Variants in AMOTL1 observed in about 807,000 individuals in gnomAD.
AMOTL1 encodes the protein angiomotin like 1.
In AMOTL1, 45 loss-of-function variants were observed where a neutral mutation model predicts 102.9. The observed-to-expected ratio is 0.44, with a 90% CI of 0.34 to 0.56. The LOEUF (loss-of-function observed/expected upper bound fraction) is 0.56. Among genes scored for constraint, AMOTL1 ranks in the 20% least tolerant of loss-of-function variants. The pLI is 0.01. For missense variants in AMOTL1, 1,114 were observed against 1,225.6 expected (o/e 0.91, Z 1.36); for synonymous variants, 481 against 484.7 (o/e 0.99, Z 0.10).
At chr11:94,756,203 G>C (rs921012629) in intron 3 of AMOTL1, among the ~76,000 whole-genome samples, 16 of 149,334 alleles carry the variant, frequency 1.1e-4, no homozygotes, top group Admixed American at 5.4e-4. Context: ...TGCCCGCTAG[G>C]GTCTCGGGTT....
At chr11:94,833,287 T>A (rs1952110634) in intron 6 of AMOTL1, among the ~76,000 whole-genome samples, 1 of 152,240 alleles carries the variant, frequency 6.6e-6, no homozygotes, top group East Asian at 1.9e-4. Flanking sequence ...CAGGACACTT[T>A]GTGCCTTCAC....
intron 9 of AMOTL1, among the ~76,000 whole-genome samples, chr11:94,863,241 T>C (rs936416898): frequency 8.6e-5 from 13 of 151,344 alleles, no homozygotes; most frequent in Admixed American, 7.9e-4. Flanking sequence ...ATAGCTGTCA[T>C]TAAAGGGGCC....
At chr11:94,760,707 GCA>G (rs1313369601) in intron 3 of AMOTL1, among the ~76,000 whole-genome samples, 1 of 151,800 alleles carries the variant, frequency 6.6e-6, no homozygotes, top group African/African-American at 2.4e-5. Context: ...TTTTTTCATT[GCA>G]CATAGGCTAG....
chr11:94,776,061 A>G (rs1291634630), intron 1 of AMOTL1, among the ~76,000 whole-genome samples: 1 of 152,242 alleles, frequency 6.6e-6, no homozygotes. Flanking sequence ...TAGCACGGAA[A>G]GGTCCTCCTG....
chr11:94,838,245 A>G (rs1033226707), intron 6 of AMOTL1, among the ~76,000 whole-genome samples: 1 of 152,234 alleles, frequency 6.6e-6, no homozygotes, highest in Admixed American at 6.5e-5. Context: ...GTCCCAACTC[A>G]TTGTATGTTC....
chr11:94,709,974 C>T (rs916049170), intron 1 of AMOTL1, among the ~76,000 whole-genome samples: 1 of 152,064 alleles, frequency 6.6e-6, no homozygotes, highest in African/African-American at 2.4e-5. Context: ...TAAAAAGACT[C>T]GAGAAAGAGA....
At chr11:94,707,635 G>A (rs72967813) in intron 1 of AMOTL1, among the ~76,000 whole-genome samples, 36,068 of 151,994 alleles carry the variant, frequency 0.24, 5,348 homozygotes, top group Middle Eastern at 0.32. Context: ...CATACTGGCT[G>A]CCAGTGCCTG....
chr11:94,840,652 A>C (rs1200279940), intron 6 of AMOTL1, among the ~76,000 whole-genome samples: 2 of 128,012 alleles, frequency 1.6e-5, no homozygotes, highest in Non-Finnish European at 3.1e-5. Flanking sequence ...CACTTAAAAA[A>C]CGTATATATA....
chr11:94,753,360 T>C (rs1950681638), intron 3 of AMOTL1, among the ~76,000 whole-genome samples: 1 of 151,468 alleles, frequency 6.6e-6, no homozygotes, highest in African/African-American at 2.4e-5. Flanking sequence ...CACTCTCAAG[T>C]ATGGCTTCTT....
intron 1 of AMOTL1, among the ~76,000 whole-genome samples, chr11:94,794,542 A>G (rs1951333237): frequency 6.6e-6 from 1 of 152,212 alleles, no homozygotes; most frequent in Non-Finnish European, 1.5e-5. Flanking sequence ...TCTCTTGCTA[A>G]CACATGGTGT....
intron 1 of AMOTL1, among the ~76,000 whole-genome samples, chr11:94,727,113 T>A (rs1406803586): frequency 1.3e-5 from 2 of 152,098 alleles, no homozygotes; most frequent in Admixed American, 6.6e-5. Context: ...CCAAGAGAGA[T>A]GGGAATCTTC....
intron 3 of AMOTL1, among the ~76,000 whole-genome samples, chr11:94,763,151 G>C (rs1950814706): frequency 1.3e-5 from 2 of 152,146 alleles, no homozygotes; most frequent in South Asian, 4.1e-4. Flanking sequence ...GATATTTCCA[G>C]AACTACACAA....
At chr11:94,818,068 G>A (rs960927083) in intron 3 of AMOTL1, among the ~76,000 whole-genome samples, 6 of 152,108 alleles carry the variant, frequency 3.9e-5, no homozygotes, top group African/African-American at 9.7e-5. Context: ...TTAATTTATA[G>A]CAGTATAGTT....
chr11:94,854,059 C>T lies in AMOTL1; in HGVS notation c.1921C>T (p.Leu641=). Residue 641 remains leucine (L), a synonymous_variant, in exon 8 of 13, where the codon CTG becomes TTG. Transcript: ENST00000433060. ...RRLRTWLERE[L]DALRTQQKHG... The stretch of plus-strand genomic sequence containing the variant: ...ACTGCGGACTTGGCTGGAGAGAGAG[C>T]TGGATGCACTGAGAACCCAGCAGGT... 6.4e-7 allele frequency: 1 copy of T among 1,551,370 alleles called. No homozygotes were observed. The highest frequency in any genetic ancestry group is 1.2e-5 in the South Asian group (1 of 83,944).
intron 3 of AMOTL1, among the ~76,000 whole-genome samples, chr11:94,761,423 A>G (rs900817758): frequency 2.6e-5 from 4 of 151,976 alleles, no homozygotes; most frequent in Non-Finnish European, 5.9e-5. Context: ...TCATGACCTC[A>G]AGTGATCCGC....
intron 6 of AMOTL1, among the ~76,000 whole-genome samples, chr11:94,848,423 G>A (rs1952464624): frequency 1.3e-5 from 2 of 152,178 alleles, no homozygotes; most frequent in Non-Finnish European, 2.9e-5. Flanking sequence ...TTTCAGGGAT[G>A]CCATTGTTTC....
intron 7 of AMOTL1, among the ~76,000 whole-genome samples, chr11:94,851,541 C>T (rs553516452): frequency 3.9e-5 from 6 of 152,268 alleles, no homozygotes; most frequent in African/African-American, 1.2e-4. Flanking sequence ...AGTTCAGATA[C>T]TGAGAGCCTA....
chr11:94,870,432 G>A (rs1054099962), intron 12 of AMOTL1, among the ~76,000 whole-genome samples: 19 of 152,218 alleles, frequency 1.2e-4, no homozygotes, highest in African/African-American at 4.6e-4. Context: ...TAGAGGGTGT[G>A]AGGGGCTCCT....
intron 2 of AMOTL1, among the ~76,000 whole-genome samples, chr11:94,739,012 A>G (rs1950479464): frequency 6.6e-6 from 1 of 152,196 alleles, no homozygotes; most frequent in African/African-American, 2.4e-5. Flanking sequence ...AAGAATAATC[A>G]CAGGAATGAT....
Sources: allele counts gnomAD v4.1 joint callset (sites outside exome capture counted in the v4.1 genomes callset), GRCh38; gene constraint gnomAD v4.1.1; transcripts MANE v1.5; gene names NCBI Gene and HGNC (gene_info 2026-07-23, HGNC 2026-07-21).